IGSF5: variants seen among roughly 807,000 people sequenced by gnomAD.
IGSF5 encodes immunoglobulin superfamily 5 like.
In IGSF5, 41 loss-of-function variants were observed where a neutral mutation model predicts 39.4. That is an observed-to-expected ratio of 1.04 (90% CI 0.81 to 1.35). The LOEUF is 1.35. IGSF5 is among the 40% of genes most tolerant of loss of function. The pLI, the probability that IGSF5 is intolerant of heterozygous loss-of-function variation, is 0.00. For synonymous variants in IGSF5, 183 were observed against 175.3 expected (o/e 1.04, Z -0.34); for missense variants, 487 against 494.6 (o/e 0.98, Z 0.15).
At chr21:39,775,574 A>G (rs1213544380) in intron 4 of IGSF5, among the ~76,000 whole-genome samples, 1 of 152,338 alleles carries the variant, frequency 6.6e-6, no homozygotes, top group East Asian at 1.9e-4. Flanking sequence ...TTTTCTTCAC[A>G]GATGGGAAAA....
At chr21:39,751,583 A>T (rs1462067803) in intron 2 of IGSF5, among the ~76,000 whole-genome samples, 3 of 133,250 alleles carry the variant, frequency 2.3e-5, no homozygotes, top group Admixed American at 8.1e-5. Flanking sequence ...TGTTCTTGGG[A>T]TGGGTTGAAA....
At chr21:39,732,934 G>A in the IGSF5 span, among the ~76,000 whole-genome samples, 1 of 152,012 alleles carries the variant, frequency 6.6e-6, no homozygotes, top group Non-Finnish European at 1.5e-5. Context: ...GGTGAGGTGG[G>A]AGGATCACTT....
chr21:39,783,681 C>A (rs1216699619), intron 5 of IGSF5, among the ~76,000 whole-genome samples: 3 of 152,084 alleles, frequency 2.0e-5, no homozygotes, highest in Non-Finnish European at 4.4e-5. Flanking sequence ...TATAATTTTG[C>A]TGTTGATTGT....
At chr21:39,738,227 C>A in the IGSF5 span, among the ~76,000 whole-genome samples, 40 of 152,198 alleles carry the variant, frequency 2.6e-4, no homozygotes, top group Middle Eastern at 3.4e-3. The surrounding 1 kb of genome is among the most constrained non-coding windows in gnomAD (Gnocchi z 6.4). Context: ...TGACAGAAGG[C>A]AAAGGCACCT....
chr21:39,746,711 T>C (rs2146268591), intron 2 of IGSF5, among the ~76,000 whole-genome samples: 1 of 152,332 alleles, frequency 6.6e-6, no homozygotes, highest in African/African-American at 2.4e-5. Flanking sequence ...TCCTGATGCT[T>C]GCGTGCTGTG....
chr21:39,791,920 C>A, intron 6 of IGSF5, 88 bp from the exon 7 acceptor site: 2 of 809,382 alleles, frequency 2.5e-6, no homozygotes, highest in Non-Finnish European at 4.1e-6. Flanking sequence ...AGAGTAACCA[C>A]GTGAACTACG....
At chr21:39,744,043 G>A (rs1170347189), upstream of IGSF5, among the ~76,000 whole-genome samples, 1 of 152,102 alleles carries the variant, frequency 6.6e-6, no homozygotes, top group Non-Finnish European at 1.5e-5. Flanking sequence ...GTCCTAGAGT[G>A]TCCTCTGTGG....
At chr21:39,800,508 A>G (rs1439801293) in intron 8 of IGSF5, among the ~76,000 whole-genome samples, 1 of 152,258 alleles carries the variant, frequency 6.6e-6, no homozygotes, top group Admixed American at 6.5e-5. Context: ...ACATAGTTCC[A>G]TCCGCTGTCC....
At chr21:39,786,181 T>C (rs2086918279) in intron 5 of IGSF5, among the ~76,000 whole-genome samples, 1 of 151,702 alleles carries the variant, frequency 6.6e-6, no homozygotes, top group African/African-American at 2.4e-5. Flanking sequence ...ACCTACAAAA[T>C]GGGAGAAAAT....
intron 2 of IGSF5, among the ~76,000 whole-genome samples, chr21:39,762,701 T>A (rs2080067154): frequency 4.6e-5 from 7 of 152,242 alleles, no homozygotes; most frequent in Admixed American, 4.6e-4. Context: ...TTAAATATTT[T>A]GATTTCCTTC....
the IGSF5 span, among the ~76,000 whole-genome samples, chr21:39,722,037 C>A: frequency 6.6e-6 from 1 of 152,208 alleles, no homozygotes; most frequent in Non-Finnish European, 1.5e-5. Flanking sequence ...AGTGAGTAGG[C>A]ATGACTCTGT....
the IGSF5 span, among the ~76,000 whole-genome samples, chr21:39,716,678 T>C: frequency 3.9e-5 from 6 of 152,260 alleles, no homozygotes; most frequent in African/African-American, 1.4e-4. Context: ...ACACATGATC[T>C]TGTTCTTCTT....
chr21:39,790,128 CT>C (rs1158896716), intron 6 of IGSF5, among the ~76,000 whole-genome samples: 1 of 152,178 alleles, frequency 6.6e-6, no homozygotes, highest in Non-Finnish European at 1.5e-5. Flanking sequence ...TGACATTCTT[CT>C]GACATCTTTC....
chr21:39,786,688 G>A (rs1453480485), intron 5 of IGSF5, among the ~76,000 whole-genome samples: 1 of 152,062 alleles, frequency 6.6e-6, no homozygotes, highest in Non-Finnish European at 1.5e-5. Flanking sequence ...ATTCACAATA[G>A]CAAAGACTTG....
chr21:39,738,199 G>A, the IGSF5 span, among the ~76,000 whole-genome samples: 1 of 152,132 alleles, frequency 6.6e-6, no homozygotes, highest in Non-Finnish European at 1.5e-5. The surrounding 1 kb of genome is among the most constrained non-coding windows in gnomAD (Gnocchi z 6.4). Context: ...CCAGGGGGCT[G>A]GGGAGGCCTC....
upstream of IGSF5, among the ~76,000 whole-genome samples, chr21:39,740,699 G>T (rs1029347853): frequency 2.0e-5 from 3 of 152,164 alleles, no homozygotes; most frequent in African/African-American, 4.8e-5. Flanking sequence ...CCCTCGAGTG[G>T]CATAGGTTTG....
upstream of IGSF5, among the ~76,000 whole-genome samples, chr21:39,744,599 C>T (rs534970356): frequency 2.6e-5 from 4 of 152,290 alleles, no homozygotes; most frequent in South Asian, 8.3e-4. Context: ...TCTGGTCGGA[C>T]CTTTGTATGG....
At chr21:39,721,364 G>A in the IGSF5 span, among the ~76,000 whole-genome samples, 1 of 152,310 alleles carries the variant, frequency 6.6e-6, no homozygotes, top group Non-Finnish European at 1.5e-5. Context: ...GCACAGGAAA[G>A]CAATCGTTCC....
chr21:39,765,821 C>A lies in IGSF5; in HGVS notation c.387C>A (p.Arg129=). 1 of 1,613,758 alleles carries A rather than the reference C, an allele frequency of 6.2e-7. No homozygotes were observed. The highest frequency in any genetic ancestry group is 8.5e-7 in the Non-Finnish European group (1 of 1,179,772). Residue 129 remains arginine (R), a synonymous_variant, in exon 3 of 9, where the codon CGC becomes CGA. Transcript: ENST00000380588. ...GNIRCSLQNS[R]LHGSAYLTVQ... ...TCAGATGCAGCCTCCAGAACAGTCGCCTGCATGGATCTGCTTACCTTACCG... is the reference window on the plus strand; with the variant it reads ...TCAGATGCAGCCTCCAGAACAGTCGACTGCATGGATCTGCTTACCTTACCG...
Sources: gnomAD v4.1 joint callset for allele counts (sites outside exome capture counted in the v4.1 genomes callset) on GRCh38, gnomAD v4.1.1 for gene constraint, Gnocchi (gnomAD v3.1) non-coding constraint, MANE v1.5 for transcripts, NCBI Gene and HGNC (gene_info 2026-07-23, HGNC 2026-07-21) for gene names.